The following FGF12 variants were observed in gnomAD, a reference collection of about 807,000 sequenced individuals.
FGF12 encodes the protein fibroblast growth factor 12, also known as fibroblast growth factor 12B.
FGF12 carries 14 observed loss-of-function variants against 23.6 expected under a neutral mutation model. That is an observed-to-expected ratio of 0.59 (90% CI 0.39 to 0.93). The LOEUF (loss-of-function observed/expected upper bound fraction) is 0.93. Ranked by LOEUF, FGF12 falls within the 40% of genes least tolerant of loss-of-function variation. The pLI, the probability that FGF12 is intolerant of heterozygous loss-of-function variation, is 0.00. For missense variants in FGF12, 175 were observed against 217.8 expected, an observed-to-expected ratio of 0.80 and a Z score of 1.24; for synonymous variants, 62 against 77.3, an observed-to-expected ratio of 0.80 and a Z score of 1.04.
chr3:192,326,608 T>C (rs554955102), intron 4 of FGF12, among the ~76,000 whole-genome samples: 6 of 152,312 alleles, frequency 3.9e-5, no homozygotes, highest in South Asian at 2.1e-4. Flanking sequence ...GCAGAGGACA[T>C]GCATCAATCA....
At chr3:192,156,561 A>G (rs937977436) in intron 5 of FGF12, among the ~76,000 whole-genome samples, 1 of 152,186 alleles carries the variant, frequency 6.6e-6, no homozygotes, top group Admixed American at 6.5e-5. Context: ...ATAAATAAAC[A>G]ATGTTATTTC....
intron 2 of FGF12, among the ~76,000 whole-genome samples, chr3:192,566,274 C>T (rs923974454): frequency 1.2e-4 from 18 of 152,198 alleles, no homozygotes; most frequent in Non-Finnish European, 7.4e-5. Flanking sequence ...AGACTTTACT[C>T]TCAATCACTG....
chr3:192,263,339 G>GA (rs1423162518), intron 4 of FGF12, among the ~76,000 whole-genome samples: 1 of 151,972 alleles, frequency 6.6e-6, no homozygotes, highest in African/African-American at 2.4e-5. Context: ...CTTTCTTACT[G>GA]AAAATATGGT....
At chr3:192,255,320 T>C (rs896655905) in intron 4 of FGF12, among the ~76,000 whole-genome samples, 3 of 151,958 alleles carry the variant, frequency 2.0e-5, no homozygotes, top group African/African-American at 7.2e-5. Context: ...TTACAATCGT[T>C]CTAACAAAAG....
At chr3:192,259,615 GA>G (rs1185082441) in intron 4 of FGF12, among the ~76,000 whole-genome samples, 2 of 152,118 alleles carry the variant, frequency 1.3e-5, no homozygotes, top group Non-Finnish European at 2.9e-5. Context: ...TTTGTAAGTA[GA>G]AATAGGGTGG....
At chr3:192,204,340 C>T (rs1239638192) in intron 4 of FGF12, among the ~76,000 whole-genome samples, 1 of 152,126 alleles carries the variant, frequency 6.6e-6, no homozygotes, top group African/African-American at 2.4e-5. Flanking sequence ...ATACAGTAGA[C>T]ACATACCACA....
intron 4 of FGF12, among the ~76,000 whole-genome samples, chr3:192,290,834 A>T (rs1418732155): frequency 6.6e-6 from 1 of 152,216 alleles, no homozygotes; most frequent in Non-Finnish European, 1.5e-5. Context: ...GTTAATAACA[A>T]TATAGGAATC....
intron 2 of FGF12, among the ~76,000 whole-genome samples, chr3:192,578,783 G>C (rs900159774): frequency 6.6e-6 from 1 of 152,182 alleles, no homozygotes; most frequent in Non-Finnish European, 1.5e-5. Flanking sequence ...GTCACCATAT[G>C]TAAAATGATT....
chr3:192,200,161 CA>C (rs11327020), intron 4 of FGF12, among the ~76,000 whole-genome samples: 18,568 of 127,500 alleles, frequency 0.15, 1,436 homozygotes, highest in African/African-American at 0.25. Context: ...TAATAAAATA[CA>C]AAAAAAAAAA....
chr3:192,538,354 G>A (rs1395623534), intron 2 of FGF12, among the ~76,000 whole-genome samples: 1 of 152,058 alleles, frequency 6.6e-6, no homozygotes, highest in African/African-American at 2.4e-5. Context: ...AGTTTTCTTA[G>A]CTCCACTTAT....
At chr3:192,259,324 G>C (rs1177700733) in intron 4 of FGF12, among the ~76,000 whole-genome samples, 1 of 152,068 alleles carries the variant, frequency 6.6e-6, no homozygotes, top group Non-Finnish European at 1.5e-5. Context: ...TATTTTGGGG[G>C]TGATGAATAA....
At chr3:192,587,361 G>C (rs1364460735) in intron 2 of FGF12, among the ~76,000 whole-genome samples, 1 of 151,924 alleles carries the variant, frequency 6.6e-6, no homozygotes, top group Non-Finnish European at 1.5e-5. Context: ...GCTGGGCTGT[G>C]GAGCGGGCAC....
chr3:192,181,378 G>GACAC (rs35246455), intron 4 of FGF12, among the ~76,000 whole-genome samples: 1,519 of 147,286 alleles, frequency 0.01, 17 homozygotes, highest in African/African-American at 0.03. Flanking sequence ...CACACACACA[G>GACAC]ACACACACAC....
At chr3:192,259,065 G>C (rs1712583826) in intron 4 of FGF12, among the ~76,000 whole-genome samples, 1 of 152,042 alleles carries the variant, frequency 6.6e-6, no homozygotes, top group African/African-American at 2.4e-5. Context: ...CAAATTGCTT[G>C]GTTGCATTTA....
chr3:192,338,240 C>A (rs1717513725), intron 3 of FGF12, among the ~76,000 whole-genome samples: 1 of 152,000 alleles, frequency 6.6e-6, no homozygotes, highest in Non-Finnish European at 1.5e-5. Flanking sequence ...CCTGCCACCA[C>A]AACCCAGCTA....
At chr3:192,599,480 A>C (rs1216937973) in intron 2 of FGF12, among the ~76,000 whole-genome samples, 1 of 152,050 alleles carries the variant, frequency 6.6e-6, no homozygotes, top group African/African-American at 2.4e-5. Flanking sequence ...GAATTGAATA[A>C]AATAATGCAC....
At chr3:192,483,882 T>C (rs139827746) in intron 2 of FGF12, among the ~76,000 whole-genome samples, 371 of 152,290 alleles carry the variant, frequency 2.4e-3, no homozygotes, top group African/African-American at 8.6e-3. Context: ...TAAAAATTGC[T>C]GTAAGGTTTA....
chr3:192,669,602 T>TAAAAAAAAAAAAAAAAAAAAAAAAAAAAA, intron 2 of FGF12, among the ~76,000 whole-genome samples: 1 of 59,526 alleles, frequency 1.7e-5, no homozygotes, highest in Non-Finnish European at 3.1e-5. Context: ...GACTCTGTCT[T>TAAAAAAAAAAAAAAAAAAAAAAAAAAAAA]AAAAAAAAAA....
intron 4 of FGF12, among the ~76,000 whole-genome samples, chr3:192,306,402 T>C (rs887032413): frequency 2.0e-5 from 3 of 151,928 alleles, no homozygotes; most frequent in Non-Finnish European, 4.4e-5. Context: ...TGGAATACTC[T>C]GAGAAGGCAA....
Sources: gnomAD v4.1 joint callset for allele counts (sites outside exome capture counted in the v4.1 genomes callset) on GRCh38, gnomAD v4.1.1 for gene constraint, MANE v1.5 for transcripts, NCBI Gene and HGNC (gene_info 2026-07-23, HGNC 2026-07-21) for gene names.